ZNF778: variants seen among roughly 807,000 people sequenced by gnomAD.
ZNF778 encodes the protein zinc finger protein 778.
A neutral mutation model predicts 23.9 loss-of-function variants in ZNF778; 37 were observed. The ratio of observed to expected loss-of-function variants is 1.54; its 90% CI spans 1.19 to 2.03. ZNF778 has a LOEUF of 2.03. Among genes scored for constraint, ZNF778 ranks in the 30% most tolerant of loss-of-function variants. The pLI is 0.00. For missense variants in ZNF778, 1,297 were observed against 934.4 expected (o/e 1.39, Z -5.06); for synonymous variants, 483 against 343.9 (o/e 1.40, Z -4.48).
intron 4 of ZNF778, chr16:89,224,491 C>T (rs918575479): frequency 6.9e-5 from 28 of 408,032 alleles, no homozygotes; most frequent in African/African-American, 5.2e-4. Flanking sequence ...TGGTGGCGGG[C>T]ACCTATAGTC....
rs1053781564 is a variant in ZNF778 at position 89,233,928 on chromosome 16, A to T, written c.*5366A>T. ...AGGATGAGGCACTAGACAGCAGGAC[A>T]TGCTGTATGCCCTTGGGCCTGCTGG... On this transcript the variant is annotated 3_prime_UTR_variant, in exon 7 of 7. Coordinates refer to ENST00000433976, the MANE Select transcript of ZNF778 (RefSeq NM_001201407.2). 7.8e-7 allele frequency: 1 copy of T among 1,286,436 alleles called. No individual in the cohort carries two copies. The highest frequency in any genetic ancestry group is 1.0e-6 in the Non-Finnish European group (1 of 986,266). 79.7% of individuals were successfully genotyped at this position (1,286,436 alleles called of 1,614,324 possible).
intron 5 of ZNF778, 36 bp downstream of exon 5, chr16:89,224,838 T>G (rs1234912971): frequency 7.1e-7 from 1 of 1,418,320 alleles, no homozygotes; most frequent in Non-Finnish European, 9.6e-7. Context: ...GATGTCAAGT[T>G]TAGCAGCTGT....
intron 1 of ZNF778, 123 bp from the exon 2 acceptor site, chr16:89,220,874 A>G (rs928585964): frequency 2.0e-6 from 1 of 495,122 alleles, no homozygotes; most frequent in Admixed American, 3.3e-5. Flanking sequence ...GGTGACGTGG[A>G]TATTACTAGT....
chr16:89,219,797 T>C lies in ZNF778; in HGVS notation c.-131-1200T>C, dbSNP rs1004998560. Among the ~76,000 whole-genome samples the C allele has an allele frequency of 5.9e-5, 9 of 152,392 alleles. No individual in the cohort carries two copies. The East Asian group carries it at 1.5e-3, about 26-fold the overall frequency. ...ACTGTGTAGAGCGTTAACGCTGTTA[T>C]ATACGTTGCCCCTAAAATTAAAAGA... is the stretch of plus-strand genomic sequence containing the variant. On this transcript the variant is annotated intron_variant, in intron 1 of 6. Transcript: ENST00000433976.
At chr16:89,223,712 G>A (rs2031188123) in intron 4 of ZNF778, among the ~76,000 whole-genome samples, 1 of 152,218 alleles carries the variant, frequency 6.6e-6, no homozygotes, top group African/African-American at 2.4e-5. Flanking sequence ...AAGCCTGAAT[G>A]TGGGCTTCAG....
rs773886288 is a variant in ZNF778, at chr16:89,223,298, G to A, written c.244+15G>A. The A allele has an allele frequency of 5.1e-5, 83 of 1,613,096 alleles. No individual in the cohort carries two copies. Among genetic ancestry groups the A allele is most frequent in the Middle Eastern group, 3.3e-4 (2 of 6,074 alleles). ...GGCCTCAGTAGGTGAGGCTGCCACCGTCCTTTGCAACTTCTGTGGAACCAA... is the reference window on the plus strand; with the variant it reads ...GGCCTCAGTAGGTGAGGCTGCCACCATCCTTTGCAACTTCTGTGGAACCAA... On this transcript the variant is annotated intron_variant, in intron 4 of 6. Transcript: ENST00000433976.
chr16:89,231,277 G>T lies in ZNF778; in HGVS notation c.*2715G>T, dbSNP rs528770190. Reference sequence around the variant, plus strand: ...TGATTGGCTGAAATAAGTCCTGCAGGTCTCTGCTAGAACTGACTCACAGTT... The same window carrying T: ...TGATTGGCTGAAATAAGTCCTGCAGTTCTCTGCTAGAACTGACTCACAGTT... On this transcript the variant is annotated 3_prime_UTR_variant, in exon 7 of 7. Transcript: ENST00000433976. The T allele has an allele frequency of 3.3e-5, 5 of 152,248 alleles. No individual in the cohort carries two copies. Among genetic ancestry groups the T allele is most frequent in the African/African-American group, 4.8e-5 (2 of 41,456 alleles). The allele number at this position is 152,248 out of a possible 1,614,324, so 9.4% of individuals were successfully genotyped here.
In ZNF778 at chr16:89,231,044, T is replaced by A. The variant is rs1284597585; in HGVS notation, c.*2482T>A. 7.1e-6 allele frequency: 1 copy of A among 139,904 alleles called. No individual in the cohort carries two copies. Among genetic ancestry groups the A allele is most frequent in the African/African-American group, 2.9e-5 (1 of 34,766 alleles). 8.7% of individuals were successfully genotyped at this position (139,904 alleles called of 1,614,324 possible). ...CCTTCATGTCACGTGTTTGAAATTC[T>A]GGATGGACAGAGCCATGCACCTTCA... On this transcript the variant is annotated 3_prime_UTR_variant, in exon 7 of 7. Transcript: ENST00000433976.
rs756079413 is a variant in ZNF778, at chr16:89,222,200, T to C, written c.117+17T>C. ...TGTTACCAGGTATGCCAAAACTGTATTTTTTCTTAAAATAACATACTGGTA... is the reference window on the plus strand; with the variant it reads ...TGTTACCAGGTATGCCAAAACTGTACTTTTTCTTAAAATAACATACTGGTA... On this transcript the variant is annotated intron_variant, in intron 3 of 6. Coordinates refer to ENST00000433976, the MANE Select transcript of ZNF778 (RefSeq NM_001201407.2). 1.1e-5 allele frequency: 18 copies of C among 1,582,212 alleles called. No homozygotes were observed. The Middle Eastern group carries it at 6.7e-4, about 59-fold the overall frequency.
At chr16:89,222,595 C>A (rs1055402948) in intron 3 of ZNF778, among the ~76,000 whole-genome samples, 1 of 152,228 alleles carries the variant, frequency 6.6e-6, no homozygotes, top group Non-Finnish European at 1.5e-5. Flanking sequence ...AACTGCTGAT[C>A]TCAAGTGATC....
In ZNF778 at chr16:89,225,535, T is replaced by A; in HGVS notation, c.329-20T>A. Reference sequence around the variant, plus strand: ...ACCAATGAGTTTGATCGTTTTTAGGTCATTCTTCTTTCTTTTCAGAATGGC... The same window carrying A: ...ACCAATGAGTTTGATCGTTTTTAGGACATTCTTCTTTCTTTTCAGAATGGC... On this transcript the variant is annotated intron_variant, in intron 5 of 6. Transcript: ENST00000433976. 20 of 745,238 alleles carry A rather than the reference T, an allele frequency of 2.7e-5. 1 individual carries two copies. The highest frequency in any genetic ancestry group is 4.3e-5 in the Non-Finnish European group (20 of 464,102). The allele number at this position is 745,238 out of a possible 1,614,324, so 46.2% of individuals were successfully genotyped here.
Position 89,230,307 on chromosome 16 carries a change from AGGG to A in ZNF778, c.*1746_*1748del, listed in dbSNP as rs1404515439. ...AACCACCACCCCCCACGTGGGGAGG[AGGG>A]AATTCCTGTACCTTAGGCAGTGCCG... On this transcript the variant is annotated 3_prime_UTR_variant, in exon 7 of 7. Coordinates refer to ENST00000433976, the MANE Select transcript of ZNF778 (RefSeq NM_001201407.2). The A allele has an allele frequency of 1.3e-5, 2 of 155,598 alleles. No individual in the cohort carries two copies. The highest frequency in any genetic ancestry group is 6.5e-5 in the Admixed American group (1 of 15,268). The allele number at this position is 155,598 out of a possible 1,614,324, so 9.6% of individuals were successfully genotyped here. A position where few individuals can be genotyped will look rare whatever the true frequency, so the allele number is the denominator to read the frequency against.
rs56407391 is a variant in ZNF778 at position 89,229,418 on chromosome 16, G to A, written c.*856G>A. ...GGATCCAGATGTGATTCTGTGAGCAGTGTAGGCTCTGGTTGGTTAGTCTTG... is the reference window on the plus strand; with the variant it reads ...GGATCCAGATGTGATTCTGTGAGCAATGTAGGCTCTGGTTGGTTAGTCTTG... On this transcript the variant is annotated 3_prime_UTR_variant, in exon 7 of 7. Coordinates refer to ENST00000433976, the MANE Select transcript of ZNF778 (RefSeq NM_001201407.2). 5 of 979,766 alleles carry A rather than the reference G, an allele frequency of 5.1e-6. No homozygotes were observed. The highest frequency in any genetic ancestry group is 1.2e-4 in the Admixed American group (2 of 16,016). 60.7% of individuals were successfully genotyped at this position (979,766 alleles called of 1,614,324 possible).
intron 4 of ZNF778, 43 bp downstream of exon 4, chr16:89,223,326 C>T (rs2096982073): frequency 4.3e-6 from 7 of 1,612,014 alleles, no homozygotes; most frequent in Middle Eastern, 1.7e-4. Context: ...GGAACCAATA[C>T]TTGATGTGTC....
Position 89,227,804 on chromosome 16 carries a change from G to C in ZNF778, c.1516G>C (p.Glu506Gln). 1.2e-6 allele frequency: 2 copies of C among 1,613,834 alleles called. No homozygotes were observed. Among genetic ancestry groups the C allele is most frequent in the Middle Eastern group, 3.3e-4 (2 of 6,060 alleles). Residue 506 changes from glutamate to glutamine, a missense_variant, in exon 7 of 7, where the codon GAA becomes CAA. Transcript: ENST00000433976. ...ARIHTGEKPY[E>Q]CKQCGKAFTG... Reference sequence around the variant, plus strand: ...AATCCATACCGGAGAGAAACCCTACGAATGTAAGCAGTGTGGCAAAGCCTT... The same window carrying C: ...AATCCATACCGGAGAGAAACCCTACCAATGTAAGCAGTGTGGCAAAGCCTT...
At position 89,229,411 on chromosome 16, in the gene ZNF778, G is replaced by C. The variant is rs2031783707; in HGVS notation, c.*849G>C. On this transcript the variant is annotated 3_prime_UTR_variant, in exon 7 of 7. Transcript: ENST00000433976. ...GTCTTGAGGATCCAGATGTGATTCT[G>C]TGAGCAGTGTAGGCTCTGGTTGGTT... The C allele has an allele frequency of 1.0e-6, 1 of 980,792 alleles. No individual in the cohort carries two copies. The highest frequency in any genetic ancestry group is 6.2e-5 in the Admixed American group (1 of 16,044). The allele number at this position is 980,792 out of a possible 1,614,324, so 60.8% of individuals were successfully genotyped here.
Position 89,230,388 on chromosome 16 carries a change from A to C in ZNF778, c.*1826A>C, listed in dbSNP as rs1160956779. 1 of 152,384 alleles carries C rather than the reference A, an allele frequency of 6.6e-6. No individual in the cohort carries two copies. The highest frequency in any genetic ancestry group is 1.5e-5 in the Non-Finnish European group (1 of 68,204). The allele number at this position is 152,384 out of a possible 1,614,324, so 9.4% of individuals were successfully genotyped here. On this transcript the variant is annotated 3_prime_UTR_variant, in exon 7 of 7. Transcript: ENST00000433976. ...TTGACCTCCAGATCCTCTTCACAGC[A>C]TGCAGAGCGGTCCTGGCAGCTGCTG...
chr16:89,219,465 C>T (rs147656227), intron 1 of ZNF778, among the ~76,000 whole-genome samples: 6 of 152,348 alleles, frequency 3.9e-5, no homozygotes, highest in African/African-American at 1.2e-4. Context: ...CAGCCTTAGT[C>T]ACCTCATGTC....
In ZNF778 at chr16:89,228,278, A is replaced by G. The variant is rs766783767; in HGVS notation, c.1990A>G (p.Arg664Gly). ...FASSSHLIEH[R>G]RTHTGEKPYI... ...TTCCTCCTCACACCTTATCGAACACAGAAGGACTCACACAGGAGAGAAACC... is the reference window on the plus strand; with the variant it reads ...TTCCTCCTCACACCTTATCGAACACGGAAGGACTCACACAGGAGAGAAACC... Residue 664 changes from arginine (R) to glycine (G), a missense_variant, in exon 7 of 7, where the codon AGA (arginine) becomes GGA (glycine). Arg to Gly is a moderately radical substitution (Grantham distance 125). Coordinates refer to ENST00000433976, the MANE Select transcript of ZNF778 (RefSeq NM_001201407.2). 6.2e-7 allele frequency: 1 copy of G among 1,605,676 alleles called. No homozygotes were observed. Among genetic ancestry groups the G allele is most frequent in the Non-Finnish European group, 8.5e-7 (1 of 1,173,256 alleles).
Sources: allele counts gnomAD v4.1 joint callset (sites outside exome capture counted in the v4.1 genomes callset), GRCh38; gene constraint gnomAD v4.1.1; transcripts MANE v1.5; gene names NCBI Gene and HGNC (gene_info 2026-07-23, HGNC 2026-07-21).